KCNK1: variants seen among roughly 807,000 people sequenced by gnomAD.
KCNK1 encodes potassium channel subfamily K member 1.
Under a neutral mutation model 22.2 loss-of-function variants are expected in KCNK1, and 10 were observed. The ratio of observed to expected loss-of-function variants is 0.45; its 90% confidence interval spans 0.28 to 0.76. The LOEUF is 0.76. Ranked by LOEUF, KCNK1 falls within the 30% of genes least tolerant of loss-of-function variation. The pLI is 0.14. For synonymous variants in KCNK1, 200 were observed against 186.4 expected (o/e 1.07, Z -0.60); for missense variants, 378 against 421.0 (o/e 0.90, Z 0.89).
intron 1 of KCNK1, among the ~76,000 whole-genome samples, chr1:233,617,924 T>G (rs1657512816): frequency 6.6e-6 from 1 of 152,092 alleles, no homozygotes; most frequent in Admixed American, 6.5e-5. Flanking sequence ...AGCAAGACTC[T>G]GTCTTGGAGG....
chr1:233,651,197 A>G (rs1485363926), intron 1 of KCNK1, among the ~76,000 whole-genome samples: 2 of 152,190 alleles, frequency 1.3e-5, no homozygotes, highest in Admixed American at 6.5e-5. Flanking sequence ...AGTGTGCCCA[A>G]CTGTTCTTGA....
At chr1:233,619,520 G>T (rs1657541058) in intron 1 of KCNK1, among the ~76,000 whole-genome samples, 1 of 152,178 alleles carries the variant, frequency 6.6e-6, no homozygotes, top group African/African-American at 2.4e-5. Flanking sequence ...GATGGGAAGA[G>T]GCAGTGGGGG....
At chr1:233,618,039 A>G (rs1408664544) in intron 1 of KCNK1, among the ~76,000 whole-genome samples, 1 of 152,240 alleles carries the variant, frequency 6.6e-6, no homozygotes, top group Non-Finnish European at 1.5e-5. Flanking sequence ...CTGTGTCTTC[A>G]AAGATAGAGC....
At chr1:233,666,488 CTTTGG>C in intron 1 of KCNK1, 102 bp from the exon 2 acceptor site, 1 of 1,089,218 alleles carries the variant, frequency 9.2e-7, no homozygotes, top group Non-Finnish European at 1.3e-6. Flanking sequence ...TCGCTGTTCT[CTTTGG>C]TTTGAGGGGA....
chr1:233,661,008 T>C (rs1011641014), intron 1 of KCNK1, among the ~76,000 whole-genome samples: 4 of 152,078 alleles, frequency 2.6e-5, no homozygotes, highest in Non-Finnish European at 5.9e-5. Context: ...AGAGTAGAAA[T>C]AACAACTCTA....
chr1:233,655,992 A>C (rs1658289538), intron 1 of KCNK1, among the ~76,000 whole-genome samples: 1 of 152,150 alleles, frequency 6.6e-6, no homozygotes. Context: ...TTTTCAGTTA[A>C]TCGTAAAGCA....
chr1:233,664,201 G>A (rs903703458), intron 1 of KCNK1, among the ~76,000 whole-genome samples: 2 of 152,062 alleles, frequency 1.3e-5, no homozygotes, highest in African/African-American at 4.8e-5. Context: ...TGCAATCATC[G>A]GATCATCCCT....
At chr1:233,652,446 C>T (rs1658218904) in intron 1 of KCNK1, among the ~76,000 whole-genome samples, 1 of 152,158 alleles carries the variant, frequency 6.6e-6, no homozygotes, top group Admixed American at 6.5e-5. Flanking sequence ...AACTATTTAA[C>T]CCCCTAGTCT....
chr1:233,659,897 C>T (rs1354900711), intron 1 of KCNK1, among the ~76,000 whole-genome samples: 1 of 152,168 alleles, frequency 6.6e-6, no homozygotes, highest in Non-Finnish European at 1.5e-5. Flanking sequence ...ATAAGAGAAC[C>T]TTCTTAGGAA....
Position 233,654,738 on chromosome 1 carries a change from G to A in KCNK1, c.356-11857G>A, listed in dbSNP as rs919538686. 3.9e-5 allele frequency among the ~76,000 whole-genome samples: 6 copies of A among 152,256 alleles called. No homozygotes were observed. In the East Asian group the frequency reaches 1.2e-3, roughly 29 times the overall value. On this transcript the variant is annotated intron_variant, in intron 1 of 2. Coordinates refer to ENST00000366621, the MANE Select transcript of KCNK1 (RefSeq NM_002245.4). ...GACTTGTCTGAGTAACATAGTGAGA[G>A]TCCATCTCTTAAAAAAGAATAAATA...
chr1:233,643,684 CTTCT>C (rs1658041016), intron 1 of KCNK1, among the ~76,000 whole-genome samples: 1 of 126,186 alleles, frequency 7.9e-6, no homozygotes, highest in South Asian at 2.3e-4. Flanking sequence ...TGCTTCACTT[CTTCT>C]TACTTAGTGC....
At chr1:233,667,501 C>T (rs914426935) in intron 2 of KCNK1, among the ~76,000 whole-genome samples, 3 of 151,926 alleles carry the variant, frequency 2.0e-5, no homozygotes, top group Non-Finnish European at 2.9e-5. Flanking sequence ...GAGGCCGAGG[C>T]GGGCGGATCA....
intron 1 of KCNK1, among the ~76,000 whole-genome samples, chr1:233,622,525 C>G (rs1394243285): frequency 6.6e-6 from 1 of 152,180 alleles, no homozygotes; most frequent in Non-Finnish European, 1.5e-5. Context: ...AGTCTGTACT[C>G]TGACTTTCTT....
chr1:233,642,842 C>T (rs549002587), intron 1 of KCNK1, among the ~76,000 whole-genome samples: 1 of 151,706 alleles, frequency 6.6e-6, no homozygotes, highest in Non-Finnish European at 1.5e-5. Context: ...GATCTAGGCT[C>T]ACTGCAACCA....
In KCNK1 at chr1:233,630,232, G is replaced by A. The variant is rs369059773; in HGVS notation, c.355+15706G>A. Among the ~76,000 whole-genome samples, 11 of 152,294 alleles carry A rather than the reference G, an allele frequency of 7.2e-5. 1 individual carries two copies. The highest frequency in any genetic ancestry group is 3.9e-4 in the Admixed American group (6 of 15,300). Reference sequence around the variant, plus strand: ...TCTAAGTAGTTTTGGAAGCGTTTGAGTAGTTGCTGCAATCGTGTTTATACT... The same window carrying A: ...TCTAAGTAGTTTTGGAAGCGTTTGAATAGTTGCTGCAATCGTGTTTATACT... On this transcript the variant is annotated intron_variant, in intron 1 of 2. Transcript: ENST00000366621.
At chr1:233,653,159 C>G (rs1048572433) in intron 1 of KCNK1, among the ~76,000 whole-genome samples, 2 of 152,144 alleles carry the variant, frequency 1.3e-5, no homozygotes, top group Non-Finnish European at 2.9e-5. Flanking sequence ...ACTAGCTAAC[C>G]CTAAACCTGC....
intron 1 of KCNK1, among the ~76,000 whole-genome samples, chr1:233,657,177 T>A (rs898674675): frequency 1.3e-5 from 2 of 152,158 alleles, no homozygotes; most frequent in Non-Finnish European, 2.9e-5. Context: ...TTTAGCTTGG[T>A]GAGAGGGGGA....
At chr1:233,643,098 T>C (rs1658032139) in intron 1 of KCNK1, among the ~76,000 whole-genome samples, 1 of 151,986 alleles carries the variant, frequency 6.6e-6, no homozygotes, top group African/African-American at 2.4e-5. Flanking sequence ...GCCATTTTAA[T>C]GTCAGTGATG....
chr1:233,660,043 A>G (rs1407199496), intron 1 of KCNK1, among the ~76,000 whole-genome samples: 3 of 152,238 alleles, frequency 2.0e-5, no homozygotes, highest in African/African-American at 7.2e-5. Context: ...AAAACTCCTA[A>G]CAGTAACCTC....
Sources: allele counts gnomAD v4.1 joint callset (sites outside exome capture counted in the v4.1 genomes callset), GRCh38; gene constraint gnomAD v4.1.1; transcripts MANE v1.5; gene names NCBI Gene and HGNC (gene_info 2026-07-23, HGNC 2026-07-21).